The following USP11 variants were observed in gnomAD, a reference collection of about 807,000 sequenced individuals.
USP11 encodes ubiquitin specific peptidase 11, also known as ubiquitin carboxyl-terminal hydrolase 11.
Under a neutral mutation model 72.8 loss-of-function variants are expected in USP11, and 5 were observed. The ratio of observed to expected loss-of-function variants is 0.07; its 90% CI spans 0.04 to 0.14. The LOEUF is 0.14. Among genes scored for constraint, USP11 ranks in the 10% least tolerant of loss-of-function variants. The pLI, the probability that USP11 is intolerant of heterozygous loss-of-function variation, is 1.00. For missense variants in USP11, 480 were observed against 794.7 expected (o/e 0.60, Z 4.76); for synonymous variants, 368 against 326.5 (o/e 1.13, Z -1.37).
chrX:47,242,492 G>C lies in USP11; in HGVS notation c.1458G>C (p.Leu486=). The change falls in exon 11 of 21, where the codon CTG becomes CTC. Residue 486 remains leucine, a synonymous_variant. Transcript: ENST00000377107. The part of the protein sequence containing the change: ...KGKISDLCVA[L]SKHTGISPER... ...AGATCTCGGATCTATGTGTGGCTCTGTCCAAACACACGGGCATCTCGCCAG... is the reference window on the plus strand; with the variant it reads ...AGATCTCGGATCTATGTGTGGCTCTCTCCAAACACACGGGCATCTCGCCAG... The C allele has an allele frequency of 8.2e-7, 1 of 1,212,177 alleles. No individual in the cohort carries two copies. Among genetic ancestry groups the C allele is most frequent in the Non-Finnish European group, 1.1e-6 (1 of 895,628 alleles).
chrX:47,238,180 T>C (rs902498474), intron 1 of USP11, among the ~76,000 whole-genome samples: 8 of 108,692 alleles, frequency 7.4e-5, no homozygotes, highest in African/African-American at 2.7e-4. Flanking sequence ...AATAGCAATA[T>C]GCAGTTCTTT....
rs760817613 is a variant in USP11 at position 47,241,361 on chromosome X, A to T, written c.931A>T (p.Met311Leu). ...GCTCAACTTCCGCAACCCACTGGGCATGAAGGGTGAGATCGCAGAGGCCTA... is the reference window on the plus strand; with the variant it reads ...GCTCAACTTCCGCAACCCACTGGGCTTGAAGGGTGAGATCGCAGAGGCCTA... ...EELNFRNPLGMKGEIAEAYAD... is the reference protein window; with the variant it reads ...EELNFRNPLGLKGEIAEAYAD... Residue 311 changes from methionine to leucine, a missense_variant, in exon 8 of 21, where the codon ATG (methionine) becomes TTG (leucine). By Grantham distance (15) the Met-to-Leu change is conservative (BLOSUM62 2). Coordinates refer to ENST00000377107, the MANE Select transcript of USP11 (RefSeq NM_001371072.1). The T allele has an allele frequency of 3.3e-6, 4 of 1,209,838 alleles. No individual in the cohort carries two copies. The African/African-American group carries it at 7.0e-5, about 21-fold the overall frequency.
intron 1 of USP11, among the ~76,000 whole-genome samples, chrX:47,236,392 T>C (rs1602707123): frequency 8.9e-6 from 1 of 112,558 alleles, no homozygotes; most frequent in African/African-American, 3.2e-5. Context: ...AGTCATGGAC[T>C]AACCCCAAAT....
intron 16 of USP11, 33 bp from the exon 17 acceptor site, chrX:47,245,337 C>T (rs777816359): frequency 6.9e-6 from 8 of 1,158,838 alleles, no homozygotes; most frequent in South Asian, 1.8e-5. Context: ...TCCTCACAGC[C>T]GGCCATCTGG....
chrX:47,238,982 C>G, intron 1 of USP11, 88 bp from the exon 2 acceptor site: 1 of 585,316 alleles, frequency 1.7e-6, no homozygotes, highest in South Asian at 3.0e-5. Flanking sequence ...TATAATGTGT[C>G]AATACTTTCA....
rs756641866 is a variant in USP11, at chrX:47,247,981, T to C, written c.*51T>C. On this transcript the variant is annotated 3_prime_UTR_variant, in exon 21 of 21. Coordinates refer to ENST00000377107, the MANE Select transcript of USP11 (RefSeq NM_001371072.1). ...AAAAAAAAAAAAGCCCTCTCTGCAA[T>C]CTCGCTTCTCGTGTCCGCCCCGCTT... The C allele has an allele frequency of 2.8e-5, 31 of 1,123,864 alleles. No individual in the cohort carries two copies. In the East Asian group the frequency reaches 4.9e-4, roughly 18 times the overall value. The allele number at this position is 1,123,864 out of a possible 1,213,427, so 92.6% of individuals were successfully genotyped here.
chrX:47,237,786 ATGTGTGTGTGTGTGTGTGTGTG>A (rs763902030), intron 1 of USP11, among the ~76,000 whole-genome samples: 3 of 38,351 alleles, frequency 7.8e-5, no homozygotes, highest in Non-Finnish European at 2.7e-4. Context: ...GTGTGTGTGT[ATGTGTGTGTGTGTGTGTGTGTG>A]TGTGTGTGTG....
chrX:47,236,951 A>ATTT (rs1447495151), intron 1 of USP11, among the ~76,000 whole-genome samples: 3 of 111,867 alleles, frequency 2.7e-5, no homozygotes, highest in African/African-American at 9.8e-5. Context: ...GTTAACAATG[A>ATTT]TTTTTTTAAA....
chrX:47,233,259 G>C, intron 1 of USP11, 40 bp downstream of exon 1: 2 of 1,126,548 alleles, frequency 1.8e-6, no homozygotes, highest in Non-Finnish European at 1.2e-6. Context: ...AGAGGGAACG[G>C]TGGGGGCATT....
In USP11 at chrX:47,240,877, G is replaced by GT; in HGVS notation, c.846+3dup. 8.3e-7 allele frequency: 1 copy of GT among 1,206,795 alleles called. No homozygotes were observed. The highest frequency in any genetic ancestry group is 1.1e-6 in the Non-Finnish European group (1 of 892,715). On this transcript the variant is annotated splice_donor_variant, in intron 7 of 20. Transcript: ENST00000377107. LOFTEE classifies it high-confidence loss of function. Reference sequence around the variant, plus strand: ...GTGCTTCATGAACTCGGCCCTGCAGGTTGGGCCATTATAGTTGTGTCTGGC... The same window carrying GT: ...GTGCTTCATGAACTCGGCCCTGCAGGTTTGGGCCATTATAGTTGTGTCTGGC...
Position 47,247,844 on chromosome X carries a change from C to T in USP11, c.2677C>T (p.Leu893=), listed in dbSNP as rs898499262. The change falls in exon 21 of 21, where the codon CTG becomes TTG. Residue 893 remains leucine, a synonymous_variant. Transcript: ENST00000377107. Reference sequence around the variant, plus strand: ...CCAACGCCAGGACGTGGCGCGACGCCTGCTGTCCCCGGCCGGCTCATCTGG... The same window carrying T: ...CCAACGCCAGGACGTGGCGCGACGCTTGCTGTCCCCGGCCGGCTCATCTGG... The part of the protein sequence containing the change: ...FYQRQDVARR[L]LSPAGSSGAP... The T allele has an allele frequency of 1.7e-6, 2 of 1,205,044 alleles. No homozygotes were observed. The highest frequency in any genetic ancestry group is 1.8e-5 in the African/African-American group (1 of 55,866).
intron 17 of USP11, among the ~76,000 whole-genome samples, 169 bp downstream of exon 17, chrX:47,245,651 T>C (rs1170721664): frequency 9.2e-6 from 1 of 108,829 alleles, no homozygotes; most frequent in Non-Finnish European, 1.9e-5. Context: ...ATCAAGCTGT[T>C]CTCCTGCCTA....
intron 17 of USP11, among the ~76,000 whole-genome samples, chrX:47,246,218 A>G (rs1266058781): frequency 9.0e-6 from 1 of 111,440 alleles, no homozygotes; most frequent in Non-Finnish European, 1.9e-5. Context: ...GTTAGAGTCA[A>G]CTCCTCGAGG....
chrX:47,234,205 C>G (rs2055360979), intron 1 of USP11, among the ~76,000 whole-genome samples: 1 of 111,232 alleles, frequency 9.0e-6, no homozygotes, highest in Non-Finnish European at 1.9e-5. Flanking sequence ...AATAAACGGC[C>G]TACACTCTTC....
intron 17 of USP11, 111 bp from the exon 18 acceptor site, chrX:47,246,961 C>T (rs2055436749): frequency 5.1e-6 from 5 of 986,496 alleles, no homozygotes; most frequent in African/African-American, 3.9e-5. Context: ...GTGGAGGCTG[C>T]AGTGATCCGA....
At chrX:47,243,657 G>T in intron 13 of USP11, 55 bp downstream of exon 13, 1 of 1,102,037 alleles carries the variant, frequency 9.1e-7, no homozygotes, top group Non-Finnish European at 1.2e-6. Context: ...CTCCGACTTG[G>T]GTGTTTAGCT....
Position 47,233,114 on chromosome X carries a change from A to T in USP11, c.71A>T (p.Asp24Val). Reference protein sequence around the residue: ...AVAAAAAVTEDREPQHEELPG... With the variant: ...AVAAAAAVTEVREPQHEELPG... ...GCGGCGGCAGCGGCGGTGACTGAGG[A>T]TAGAGAGCCACAGCACGAGGAGCTG... The change falls in exon 1 of 21, where the codon GAT becomes GTT. Residue 24 changes from aspartate (D) to valine (V), a missense_variant. By Grantham distance (152) the Asp-to-Val change is radical. Transcript: ENST00000377107. 8.3e-7 allele frequency: 1 copy of T among 1,199,315 alleles called. No individual in the cohort carries two copies. The highest frequency in any genetic ancestry group is 1.1e-6 in the Non-Finnish European group (1 of 889,245).
chrX:47,240,003 G>A, intron 4 of USP11, 96 bp downstream of exon 4: 1 of 927,876 alleles, frequency 1.1e-6, no homozygotes, highest in Non-Finnish European at 1.5e-6. Context: ...AGCTGACTGA[G>A]AAGGCACTGG....
rs150492844 is a variant in USP11, at chrX:47,242,135, C to T, written c.1233C>T (p.Ile411=). ...ACAAACGGCGGAACGATTCTGTGATCGTGGACACTTTCCACGGCCTCTTCA... is the reference window on the plus strand; with the variant it reads ...ACAAACGGCGGAACGATTCTGTGATTGTGGACACTTTCCACGGCCTCTTCA... ...QNHKRRNDSV[I]VDTFHGLFKS... The change falls in exon 10 of 21, where the codon ATC becomes ATT. Residue 411 remains isoleucine (I), a synonymous_variant. Transcript: ENST00000377107. 1.7e-5 allele frequency: 20 copies of T among 1,209,900 alleles called. No individual in the cohort carries two copies. The African/African-American group carries it at 2.4e-4, about 15-fold the overall frequency.
Sources: allele counts gnomAD v4.1 joint callset (sites outside exome capture counted in the v4.1 genomes callset), GRCh38; gene constraint gnomAD v4.1.1; transcripts MANE v1.5; gene names NCBI Gene and HGNC (gene_info 2026-07-23, HGNC 2026-07-21).